SIK2: variants seen among roughly 807,000 people sequenced by gnomAD.
The protein encoded by SIK2 is serine/threonine-protein kinase SIK2.
In SIK2, 29 loss-of-function variants were observed where a neutral mutation model predicts 103.2. That is an observed-to-expected ratio of 0.28 (90% CI 0.21 to 0.38). The LOEUF (loss-of-function observed/expected upper bound fraction) is 0.38, where lower values mean the gene tolerates loss of function less well. SIK2 is among the 10% of genes least tolerant of loss of function. The probability of loss-of-function intolerance (pLI) is 1.00; values close to 1 mark genes in which losing one functional copy is unlikely to be tolerated. For missense variants in SIK2, 879 were observed against 1,171.0 expected (o/e 0.75, Z 3.64); for synonymous variants, 412 against 446.1 (o/e 0.92, Z 0.96).
At chr11:111,627,287 G>T (rs574897312) in intron 3 of SIK2, among the ~76,000 whole-genome samples, 25 of 152,056 alleles carry the variant, frequency 1.6e-4, no homozygotes, top group African/African-American at 6.0e-4. Flanking sequence ...CCTATCAGAG[G>T]GGACTTTCAG....
chr11:111,674,726 C>T (rs944256893), intron 3 of SIK2, among the ~76,000 whole-genome samples: 1 of 151,960 alleles, frequency 6.6e-6, no homozygotes, highest in East Asian at 1.9e-4. Flanking sequence ...AAATTGTATA[C>T]CAGTCATATT....
chr11:111,662,684 C>G (rs969713938), intron 3 of SIK2, among the ~76,000 whole-genome samples: 2 of 152,052 alleles, frequency 1.3e-5, no homozygotes, highest in African/African-American at 4.8e-5. Context: ...TGAGACCAGC[C>G]TGGGCAACAT....
intron 1 of SIK2, among the ~76,000 whole-genome samples, chr11:111,614,205 C>T (rs755387163): frequency 6.6e-6 from 1 of 151,948 alleles, no homozygotes; most frequent in African/African-American, 2.4e-5. Flanking sequence ...CCTCAGTCTC[C>T]CAGGTCAACC....
chr11:111,715,458 G>A (rs947234738), intron 9 of SIK2, among the ~76,000 whole-genome samples: 1 of 152,100 alleles, frequency 6.6e-6, no homozygotes, highest in Non-Finnish European at 1.5e-5. Context: ...TCTCAACTGG[G>A]GACAGGTATT....
intron 4 of SIK2, among the ~76,000 whole-genome samples, chr11:111,698,513 G>A (rs575656038): frequency 4.6e-5 from 7 of 152,314 alleles, no homozygotes; most frequent in East Asian, 3.9e-4. Context: ...AGGCCACAGC[G>A]GGTGGATTGC....
At chr11:111,670,776 T>G (rs757069656) in intron 3 of SIK2, among the ~76,000 whole-genome samples, 1 of 152,212 alleles carries the variant, frequency 6.6e-6, no homozygotes, top group African/African-American at 2.4e-5. Context: ...TGGTTTTTAG[T>G]TGGGGGCATG....
intron 3 of SIK2, among the ~76,000 whole-genome samples, chr11:111,675,640 T>A (rs1196319706): frequency 6.6e-6 from 1 of 152,208 alleles, no homozygotes; most frequent in East Asian, 1.9e-4. Context: ...TCCCAAGAAC[T>A]TTGATTTACT....
At chr11:111,691,617 A>G (rs1250262594) in intron 4 of SIK2, among the ~76,000 whole-genome samples, 1 of 152,116 alleles carries the variant, frequency 6.6e-6, no homozygotes, top group Admixed American at 6.5e-5. Flanking sequence ...GGGGTCCATC[A>G]TTCTATGGTT....
chr11:111,603,026 C>A (rs1348742817), intron 1 of SIK2, among the ~76,000 whole-genome samples: 1 of 151,118 alleles, frequency 6.6e-6, no homozygotes, highest in Non-Finnish European at 1.5e-5. Context: ...CTGTGGCCTC[C>A]GCTCCGGAGC....
At chr11:111,668,220 G>A (rs1942575866) in intron 3 of SIK2, among the ~76,000 whole-genome samples, 1 of 151,820 alleles carries the variant, frequency 6.6e-6, no homozygotes, top group Non-Finnish European at 1.5e-5. Context: ...GCACACGCAT[G>A]CATGTCCATC....
chr11:111,710,548 A>G (rs1394682193), intron 8 of SIK2, among the ~76,000 whole-genome samples: 3 of 152,240 alleles, frequency 2.0e-5, no homozygotes, highest in African/African-American at 7.2e-5. Context: ...CTAACTAGGA[A>G]CCGTTAGTAT....
intron 3 of SIK2, among the ~76,000 whole-genome samples, chr11:111,634,013 C>T (rs1942072696): frequency 6.6e-6 from 1 of 152,150 alleles, no homozygotes; most frequent in African/African-American, 2.4e-5. Context: ...GTAAATGGCA[C>T]AAAGATCTTA....
At chr11:111,657,275 G>A (rs868164154) in intron 3 of SIK2, among the ~76,000 whole-genome samples, 1 of 152,082 alleles carries the variant, frequency 6.6e-6, no homozygotes, top group Non-Finnish European at 1.5e-5. Context: ...TGTTTTTTCC[G>A]TTTTGGTAAA....
At chr11:111,657,966 C>G (rs1290865497) in intron 3 of SIK2, among the ~76,000 whole-genome samples, 1 of 152,038 alleles carries the variant, frequency 6.6e-6, no homozygotes, top group Non-Finnish European at 1.5e-5. Flanking sequence ...TAAGGAGTAA[C>G]ATGGGCTTAA....
chr11:111,643,496 G>T (rs1358420823), intron 3 of SIK2, among the ~76,000 whole-genome samples: 1 of 151,982 alleles, frequency 6.6e-6, no homozygotes, highest in Non-Finnish European at 1.5e-5. Flanking sequence ...ATTTGAAAAT[G>T]TAGAGTAGAC....
At chr11:111,668,179 AGTGTGTGTGTGT>A (rs112931431) in intron 3 of SIK2, among the ~76,000 whole-genome samples, 1 of 151,032 alleles carries the variant, frequency 6.6e-6, no homozygotes, top group African/African-American at 2.4e-5. Context: ...TAAAGTAAGG[AGTGTGTGTGTGT>A]GTGTGTGTGT....
At chr11:111,606,327 G>A (rs1941647584) in intron 1 of SIK2, among the ~76,000 whole-genome samples, 1 of 151,956 alleles carries the variant, frequency 6.6e-6, no homozygotes, top group Admixed American at 6.6e-5. Context: ...AAAAATAAGA[G>A]TATAGTGAAC....
At chr11:111,709,086 A>C (rs1943426806) in intron 8 of SIK2, among the ~76,000 whole-genome samples, 1 of 152,228 alleles carries the variant, frequency 6.6e-6, no homozygotes, top group South Asian at 2.1e-4. Flanking sequence ...TGGCTTAAAC[A>C]ACGGAAATTA....
At chr11:111,633,202 T>C (rs1440794742) in intron 3 of SIK2, among the ~76,000 whole-genome samples, 1 of 152,230 alleles carries the variant, frequency 6.6e-6, no homozygotes, top group Non-Finnish European at 1.5e-5. Flanking sequence ...GTTCCAGCTC[T>C]TCAGTCAAGT....
Sources: gnomAD v4.1 joint callset for allele counts (sites outside exome capture counted in the v4.1 genomes callset) on GRCh38, gnomAD v4.1.1 for gene constraint, MANE v1.5 for transcripts, NCBI Gene and HGNC (gene_info 2026-07-23, HGNC 2026-07-21) for gene names.